ZNF254: variants seen among roughly 807,000 people sequenced by gnomAD.
The protein encoded by ZNF254 is zinc finger protein 254.
Under a neutral mutation model 12.4 loss-of-function variants are expected in ZNF254, and 10 were observed. The ratio of observed to expected loss-of-function variants is 0.80; its 90% CI spans 0.50 to 1.36. ZNF254 has a LOEUF of 1.36. Among genes scored for constraint, ZNF254 ranks in the 40% most tolerant of loss-of-function variants. The pLI, the probability that ZNF254 is intolerant of heterozygous loss-of-function variation, is 0.00. For missense variants in ZNF254, 996 were observed against 763.9 expected, an observed-to-expected ratio of 1.30 and a Z score of -3.58; for synonymous variants, 305 against 253.4, an observed-to-expected ratio of 1.20 and a Z score of -1.93.
At chr19:24,061,699 C>T (rs1334973217) in intron 2 of ZNF254, among the ~76,000 whole-genome samples, 2 of 152,154 alleles carry the variant, frequency 1.3e-5, no homozygotes, top group East Asian at 1.9e-4. Context: ...ACATATATCT[C>T]GGCCCAGCTC....
At chr19:24,066,883 G>A (rs1356226447) in intron 2 of ZNF254, 2 of 151,938 alleles carry the variant, frequency 1.3e-5, no homozygotes, top group Non-Finnish European at 2.9e-5. Context: ...CTGGGCAACA[G>A]AGTGAGACTC....
intron 1 of ZNF254, among the ~76,000 whole-genome samples, chr19:24,041,527 C>T (rs1297064518): frequency 2.0e-5 from 3 of 152,260 alleles, no homozygotes; most frequent in African/African-American, 7.2e-5. Context: ...CTCGATTTCT[C>T]GCCGGGCCTT....
At chr19:24,059,973 C>T (rs1971007753) in intron 2 of ZNF254, among the ~76,000 whole-genome samples, 1 of 152,072 alleles carries the variant, frequency 6.6e-6, no homozygotes, top group African/African-American at 2.4e-5. Context: ...TCTCTTCTAC[C>T]TGCATTCTTC....
At chr19:24,091,881 ATTTTT>A in intron 1 of ZNF254, 2 of 828,128 alleles carry the variant, frequency 2.4e-6, no homozygotes, top group South Asian at 5.6e-5. Context: ...TATGTGATTA[ATTTTT>A]TTTTTTTTTT....
intron 2 of ZNF254, among the ~76,000 whole-genome samples, chr19:24,073,174 C>A (rs1971541315): frequency 6.6e-6 from 1 of 152,224 alleles, no homozygotes; most frequent in Non-Finnish European, 1.5e-5. Flanking sequence ...GCACAACCTA[C>A]CAAATGTTAG....
chr19:24,075,076 C>G (rs920765236), intron 2 of ZNF254, among the ~76,000 whole-genome samples: 2 of 152,170 alleles, frequency 1.3e-5, no homozygotes, highest in Non-Finnish European at 2.9e-5. Flanking sequence ...TGCATGGACT[C>G]TTTTCAGGAG....
At chr19:24,107,234 T>C (rs1973402047) in intron 3 of ZNF254, 2 of 653,878 alleles carry the variant, frequency 3.1e-6, no homozygotes, top group Non-Finnish European at 5.5e-6. Context: ...TTTTCATTAC[T>C]GTGAAGAAAA....
At chr19:24,049,184 T>TTATA (rs1159690517) in intron 2 of ZNF254, among the ~76,000 whole-genome samples, 1,754 of 62,770 alleles carry the variant, frequency 0.028, 61 homozygotes, top group Non-Finnish European at 0.036. Context: ...GGCTCTGGTT[T>TTATA]TATATATATA....
intron 1 of ZNF254, among the ~76,000 whole-genome samples, chr19:24,034,677 A>G (rs956550199): frequency 1.3e-5 from 2 of 151,248 alleles, no homozygotes; most frequent in African/African-American, 2.4e-5. Flanking sequence ...GGGTTTCACC[A>G]TTTTGGCCAG....
intron 2 of ZNF254, among the ~76,000 whole-genome samples, chr19:24,049,206 A>ATATATG (rs1970539245): frequency 1.9e-5 from 1 of 53,828 alleles, no homozygotes; most frequent in South Asian, 5.3e-4. Context: ...ATATATATAT[A>ATATATG]TATATATATT....
chr19:24,034,785 C>CTTT (rs57891281), intron 1 of ZNF254, among the ~76,000 whole-genome samples: 3 of 141,602 alleles, frequency 2.1e-5, no homozygotes, highest in Non-Finnish European at 4.6e-5. Context: ...CAAGAAGTTA[C>CTTT]TTTTTTTTTT....
At chr19:24,120,577 T>C (rs1974409023) in intron 3 of ZNF254, among the ~76,000 whole-genome samples, 1 of 152,122 alleles carries the variant, frequency 6.6e-6, no homozygotes, top group Admixed American at 6.6e-5. Context: ...ATAGAGAGCT[T>C]TATTTTTATA....
rs1216821356 is a variant in ZNF254, at chr19:24,129,344, T to G, written c.*1364T>G. ...TCAACATTTTTAACATATTAAATAC[T>G]ATTGTGAATTCAATGAAGTGTTCTT... On this transcript the variant is annotated 3_prime_UTR_variant, in exon 4 of 4. Coordinates refer to ENST00000357002, the MANE Select transcript of ZNF254 (RefSeq NM_203282.4). 6.6e-6 allele frequency: 1 copy of G among 152,080 alleles called. No individual in the cohort carries two copies. Among genetic ancestry groups the G allele is most frequent in the Non-Finnish European group, 1.5e-5 (1 of 67,926 alleles). The allele number at this position is 152,080 out of a possible 1,614,324, so 9.4% of individuals were successfully genotyped here.
chr19:24,037,563 A>G (rs1970012370), intron 1 of ZNF254, among the ~76,000 whole-genome samples: 1 of 152,072 alleles, frequency 6.6e-6, no homozygotes, highest in Admixed American at 6.6e-5. Context: ...CCTCCCAAGT[A>G]GCTGAGATAA....
At chr19:24,117,791 C>G (rs1212983111) in intron 3 of ZNF254, among the ~76,000 whole-genome samples, 2 of 152,084 alleles carry the variant, frequency 1.3e-5, no homozygotes, top group African/African-American at 4.8e-5. Flanking sequence ...CTGCATCACT[C>G]ACGCTGGGAG....
At chr19:24,089,947 T>G (rs1242365334) in intron 1 of ZNF254, among the ~76,000 whole-genome samples, 1 of 151,400 alleles carries the variant, frequency 6.6e-6, no homozygotes, top group African/African-American at 2.4e-5. Context: ...TCCCTACACT[T>G]TGGGAGGCCA....
intron 3 of ZNF254, among the ~76,000 whole-genome samples, chr19:24,123,865 C>G (rs1487885636): frequency 1.3e-5 from 2 of 151,858 alleles, no homozygotes; most frequent in Non-Finnish European, 1.5e-5. Flanking sequence ...CTTTTTTTAT[C>G]ATTAGATTTC....
chr19:24,061,816 G>T (rs954907833), intron 2 of ZNF254, among the ~76,000 whole-genome samples: 3 of 152,178 alleles, frequency 2.0e-5, no homozygotes, highest in Admixed American at 2.0e-4. Context: ...GGGTGTGGCG[G>T]CTCACGCCTA....
At chr19:24,055,425 C>T (rs909308813) in intron 2 of ZNF254, among the ~76,000 whole-genome samples, 1 of 151,686 alleles carries the variant, frequency 6.6e-6, no homozygotes, top group Non-Finnish European at 1.5e-5. Flanking sequence ...ATTACAGGCA[C>T]ATACCACCAT....
Sources: gnomAD v4.1 joint callset for allele counts (sites outside exome capture counted in the v4.1 genomes callset) on GRCh38, gnomAD v4.1.1 for gene constraint, MANE v1.5 for transcripts, NCBI Gene and HGNC (gene_info 2026-07-23, HGNC 2026-07-21) for gene names.